Variants in ZNF728 observed in about 807,000 individuals in gnomAD.
ZNF728 encodes zinc finger protein 728.
ZNF728 carries 12 observed loss-of-function variants against 12.5 expected under a neutral mutation model. The ratio of observed to expected loss-of-function variants is 0.96; its 90% CI spans 0.61 to 1.55. ZNF728 has a LOEUF of 1.55. Ranked by LOEUF, ZNF728 falls within the 40% of genes most tolerant of loss-of-function variation. The probability of loss-of-function intolerance (pLI) is 0.00; values close to 1 mark genes in which losing one functional copy is unlikely to be tolerated. For missense variants in ZNF728, 692 were observed against 719.2 expected (o/e 0.96, Z 0.43); for synonymous variants, 205 against 240.7 (o/e 0.85, Z 1.37).
chr19:23,002,887 G>A, intron 1 of ZNF728, 141 bp downstream of exon 1: 1 of 1,118,894 alleles, frequency 8.9e-7, no homozygotes, highest in South Asian at 1.5e-5. Context: ...GAAGCGGACT[G>A]AGGTCGAGCT....
intron 3 of ZNF728, among the ~76,000 whole-genome samples, chr19:22,980,652 G>C (rs1968852357): frequency 6.6e-6 from 1 of 152,096 alleles, no homozygotes; most frequent in Non-Finnish European, 1.5e-5. Context: ...CTCAGCAAAT[G>C]TAAAAGAATG....
rs1177455426 is a variant in ZNF728, at chr19:22,976,705, T to C, written c.632A>G (p.Asn211Ser). 2 of 1,612,978 alleles carry C rather than the reference T, an allele frequency of 1.2e-6. No homozygotes were observed. The highest frequency in any genetic ancestry group is 2.2e-5 in the East Asian group (1 of 44,832). ...YKSEEHGKAFNWSSALTYKRI... is the reference protein window; with the variant it reads ...YKSEEHGKAFSWSSALTYKRI... ...CTTATAAGTAAGGGCTGAGGACCAGTTAAAGGCTTTGCCATGTTCTTCACT... is the reference window on the plus strand; with the variant it reads ...CTTATAAGTAAGGGCTGAGGACCAGCTAAAGGCTTTGCCATGTTCTTCACT... Residue 211 changes from asparagine to serine, a missense_variant, in exon 4 of 4, where the codon AAC (asparagine) becomes AGC (serine). Physicochemically the swap from Asn to Ser is conservative, Grantham distance 46. This residue lies in a region of ZNF728 where 440 missense variants were observed against 459.6 expected (regional missense o/e 0.96). Coordinates refer to ENST00000594710, the MANE Select transcript of ZNF728 (RefSeq NM_001267716.2).
In ZNF728 at chr19:22,975,408, G is replaced by T; in HGVS notation, c.*60C>A. On this transcript the variant is annotated 3_prime_UTR_variant, in exon 4 of 4. Coordinates refer to ENST00000594710, the MANE Select transcript of ZNF728 (RefSeq NM_001267716.2). The stretch of plus-strand genomic sequence containing the variant: ...TTCACATTTGTAGGGTTTCCCTCCT[G>T]TATAAATACCCTTATGTTCAGTAAG... The T allele has an allele frequency of 6.9e-7, 1 of 1,449,200 alleles. No individual in the cohort carries two copies. The highest frequency in any genetic ancestry group is 2.4e-5 in the East Asian group (1 of 42,152). The allele number at this position is 1,449,200 out of a possible 1,614,324, so 89.8% of individuals were successfully genotyped here. A position where few individuals can be genotyped will look rare whatever the true frequency, so the allele number is the denominator to read the frequency against.
chr19:22,995,587 G>A (rs769371237), intron 1 of ZNF728, among the ~76,000 whole-genome samples: 3 of 152,000 alleles, frequency 2.0e-5, no homozygotes, highest in Non-Finnish European at 2.9e-5. Context: ...ATAGGCACGC[G>A]CCACCACACC....
chr19:22,991,160 G>A (rs2145346953), intron 1 of ZNF728, among the ~76,000 whole-genome samples: 1 of 152,298 alleles, frequency 6.6e-6, no homozygotes, highest in South Asian at 2.1e-4. Flanking sequence ...AAAGTTTACA[G>A]AGAAAATAGA....
rs1432515528 is a variant in ZNF728 at position 22,976,814 on chromosome 19, AT to A, written c.522del (p.Lys174AsnfsTer75). The part of the protein sequence containing the change: ...KIRHTGKKLL[K>X]CKEYVRSFCM... Reference sequence around the variant, plus strand: ...CAAAATGATCTGACATATTCTTTACATTTCAAAAGTTTCTTTCCAGTATGCC... The same window carrying A: ...CAAAATGATCTGACATATTCTTTACATTCAAAAGTTTCTTTCCAGTATGCC... On this transcript the variant is annotated frameshift_variant, in exon 4 of 4. Transcript: ENST00000594710. LOFTEE classifies it low-confidence loss of function (END_TRUNC). 1.2e-6 allele frequency: 2 copies of A among 1,613,444 alleles called. No homozygotes were observed. Among genetic ancestry groups the A allele is most frequent in the Middle Eastern group, 1.7e-4 (1 of 6,056 alleles).
At position 22,976,708 on chromosome 19, in the gene ZNF728, A is replaced by G. The variant is rs1399768413; in HGVS notation, c.629T>C (p.Phe210Ser). 1.2e-6 allele frequency: 2 copies of G among 1,613,452 alleles called. No homozygotes were observed. The highest frequency in any genetic ancestry group is 3.3e-5 in the Admixed American group (2 of 59,948). ...SYKSEEHGKA[F>S]NWSSALTYKR... ...ATAAGTAAGGGCTGAGGACCAGTTA[A>G]AGGCTTTGCCATGTTCTTCACTTTT... The change falls in exon 4 of 4, where the codon TTT becomes TCT. Residue 210 changes from phenylalanine (F) to serine (S), a missense_variant. Around this residue, in one of 3 missense-constraint regions of ZNF728, gnomAD observed 440 missense variants for 459.6 expected, o/e 0.96. Coordinates refer to ENST00000594710, the MANE Select transcript of ZNF728 (RefSeq NM_001267716.2).
rs1968810045 is a variant in ZNF728, at chr19:22,976,869, T to C, written c.468A>G (p.Lys156=). 1 of 1,613,306 alleles carries C rather than the reference T, an allele frequency of 6.2e-7. No homozygotes were observed. The highest frequency in any genetic ancestry group is 8.5e-7 in the Non-Finnish European group (1 of 1,179,636). Residue 156 remains lysine (K), a synonymous_variant, in exon 4 of 4, where the codon AAA becomes AAG. Transcript: ENST00000594710. ...QCGKYANIFH[K]CSNSKRHKIR... ...TCTTATGTCTTTTTGAATTTGAACATTTATGAAAGATGTTTGCATATTTGC... is the reference window on the plus strand; with the variant it reads ...TCTTATGTCTTTTTGAATTTGAACACTTATGAAAGATGTTTGCATATTTGC...
At chr19:22,988,968 T>A in intron 1 of ZNF728, among the ~76,000 whole-genome samples, 1 of 148,668 alleles carries the variant, frequency 6.7e-6, no homozygotes, top group Non-Finnish European at 1.5e-5. Context: ...GGAGAATCGC[T>A]TGAACCCAGG....
At chr19:22,984,115 C>A (rs1447954478) in intron 3 of ZNF728, among the ~76,000 whole-genome samples, 5 of 152,052 alleles carry the variant, frequency 3.3e-5, no homozygotes, top group South Asian at 4.1e-4. Context: ...GGGATATACA[C>A]CCTTCTCAAT....
At position 22,987,309 on chromosome 19, in the gene ZNF728, T is replaced by G; in HGVS notation, c.225A>C (p.Pro75=). 1 of 1,610,112 alleles carries G rather than the reference T, an allele frequency of 6.2e-7. No homozygotes were observed. ...MKRHELVKEP[P]VICSHFAQDL... ...TTGTCTGTATTCATTCTCACCTACC[T>G]GGCGGTTCTTTCACCAGCTCATGTC... The change falls in exon 3 of 4, where the codon CCA becomes CCC. Residue 75 remains proline, a splice_region_variant and synonymous_variant. Coordinates refer to ENST00000594710, the MANE Select transcript of ZNF728 (RefSeq NM_001267716.2).
In ZNF728 at chr19:22,975,771, G is replaced by A. The variant is rs115646268; in HGVS notation, c.1566C>T (p.Asn522=). The change falls in exon 4 of 4, where the codon AAC becomes AAT. Residue 522 remains asparagine (N), a synonymous_variant. Coordinates refer to ENST00000594710, the MANE Select transcript of ZNF728 (RefSeq NM_001267716.2). ...ECGKAFSKVA[N]LTKHKVIHTG... ...TATGAATTACCTTATGTTTAGTAAGGTTTGCAACCTTACTGAAGGCTTTGC... is the reference window on the plus strand; with the variant it reads ...TATGAATTACCTTATGTTTAGTAAGATTTGCAACCTTACTGAAGGCTTTGC... The A allele has an allele frequency of 1.5e-3, 2,404 of 1,611,686 alleles. 23 individuals are homozygous for A. In the African/African-American group the frequency reaches 0.023, roughly 15 times the overall value.
chr19:22,988,456 A>AAAACACACAC lies in ZNF728; in HGVS notation c.4-15_4-6dup. ...ATCCCGAAATGTCAACGATCCCTGG[A>AAAACACACAC]AAACACACACAAACACACATATTTA... On this transcript the variant is annotated splice_region_variant and splice_polypyrimidine_tract_variant and intron_variant, in intron 1 of 3. Transcript: ENST00000594710. 6.2e-7 allele frequency: 1 copy of AAAACACACAC among 1,613,836 alleles called. No homozygotes were observed. The highest frequency in any genetic ancestry group is 8.5e-7 in the Non-Finnish European group (1 of 1,179,862).
chr19:22,992,130 A>G (rs1292501520), intron 1 of ZNF728, among the ~76,000 whole-genome samples: 9 of 152,230 alleles, frequency 5.9e-5, no homozygotes, highest in African/African-American at 2.2e-4. Context: ...TTTTGCACAC[A>G]GCTATTTATT....
chr19:22,976,113 G>A lies in ZNF728; in HGVS notation c.1224C>T (p.Ser408=). The A allele has an allele frequency of 6.2e-7, 1 of 1,612,706 alleles. No individual in the cohort carries two copies. The highest frequency in any genetic ancestry group is 8.5e-7 in the Non-Finnish European group (1 of 1,179,838). The change falls in exon 4 of 4, where the codon TCC becomes TCT. Residue 408 remains serine, a synonymous_variant. Coordinates refer to ENST00000594710, the MANE Select transcript of ZNF728 (RefSeq NM_001267716.2). ...TTATCTTATGTTTAGTAAGTGTTGAGGACCACTTAAAGGTTTTGCCACATT... is the reference window on the plus strand; with the variant it reads ...TTATCTTATGTTTAGTAAGTGTTGAAGACCACTTAAAGGTTTTGCCACATT... ...CEECGKTFKW[S]STLTKHKIIH...
chr19:22,980,193 AAAAAGAAAC>A (rs1968846584), intron 3 of ZNF728, among the ~76,000 whole-genome samples: 1 of 135,130 alleles, frequency 7.4e-6, no homozygotes, highest in African/African-American at 3.4e-5. Flanking sequence ...AGCAAAAAAA[AAAAAGAAAC>A]AAAAAAAAAA....
chr19:22,977,232 A>G (rs1968816789), intron 3 of ZNF728, 122 bp from the exon 4 acceptor site: 7 of 891,938 alleles, frequency 7.8e-6, no homozygotes, highest in Non-Finnish European at 1.1e-5. Flanking sequence ...CACAGGCCCT[A>G]ATTCTTCACA....
intron 3 of ZNF728, among the ~76,000 whole-genome samples, chr19:22,980,369 A>C (rs1968849713): frequency 6.6e-6 from 1 of 152,186 alleles, no homozygotes; most frequent in South Asian, 2.1e-4. Context: ...AGGAGCACCT[A>C]GAATCATAAA....
chr19:22,985,038 G>A (rs1968900975), intron 3 of ZNF728, among the ~76,000 whole-genome samples: 1 of 151,960 alleles, frequency 6.6e-6, no homozygotes, highest in Non-Finnish European at 1.5e-5. Context: ...TAAGCTAATA[G>A]GTAAAGGCAA....
Sources: gnomAD v4.1 joint callset for allele counts (sites outside exome capture counted in the v4.1 genomes callset) on GRCh38, gnomAD v4.1.1 for gene constraint, gnomAD v4.1.1 regional missense constraint, MANE v1.5 for transcripts, NCBI Gene and HGNC (gene_info 2026-07-23, HGNC 2026-07-21) for gene names.